AGFG1: variants seen among roughly 807,000 people sequenced by gnomAD.
AGFG1 encodes arf-GAP domain and FG repeat-containing protein 1.
Under a neutral mutation model 60.6 loss-of-function variants are expected in AGFG1, and 10 were observed. The ratio of observed to expected loss-of-function variants is 0.16; its 90% CI spans 0.10 to 0.28. The LOEUF is 0.28. Ranked by LOEUF, AGFG1 falls within the 10% of genes least tolerant of loss-of-function variation. The pLI is 1.00. For missense variants in AGFG1, 537 were observed against 676.5 expected (o/e 0.79, Z 2.29); for synonymous variants, 247 against 242.9 (o/e 1.02, Z -0.16).
chr2:227,522,683 G>A (rs1691860054), intron 3 of AGFG1, among the ~76,000 whole-genome samples: 1 of 152,154 alleles, frequency 6.6e-6, no homozygotes, highest in African/African-American at 2.4e-5. Context: ...TCTGGAACAG[G>A]TGCTCTTAAG....
intron 1 of AGFG1, among the ~76,000 whole-genome samples, chr2:227,485,606 A>G (rs1050657175): frequency 3.3e-5 from 5 of 152,024 alleles, no homozygotes; most frequent in East Asian, 1.9e-4. Flanking sequence ...CTGTAGATGC[A>G]TGACTTTTAT....
chr2:227,550,331 C>G (rs1575119088), intron 10 of AGFG1, among the ~76,000 whole-genome samples: 1 of 152,158 alleles, frequency 6.6e-6, no homozygotes, highest in Non-Finnish European at 1.5e-5. Flanking sequence ...TACTGCTTAC[C>G]TACATGGTCA....
chr2:227,508,643 G>A (rs757676649), intron 2 of AGFG1: 29 of 469,284 alleles, frequency 6.2e-5, no homozygotes, highest in African/African-American at 3.6e-4. Flanking sequence ...TTTAAGAGGC[G>A]TCACAAAGTA....
At chr2:227,538,386 C>A (rs1027062088) in intron 10 of AGFG1, among the ~76,000 whole-genome samples, 6 of 152,120 alleles carry the variant, frequency 3.9e-5, no homozygotes, top group African/African-American at 1.4e-4. Flanking sequence ...GAATTTTGTT[C>A]TTTTAATGAA....
At position 227,523,911 on chromosome 2, in the gene AGFG1, G is replaced by A. The variant is rs745804768; in HGVS notation, c.526G>A (p.Gly176Ser). 5.6e-6 allele frequency: 9 copies of A among 1,612,988 alleles called. No individual in the cohort carries two copies. The Admixed American group carries it at 1.5e-4, about 27-fold the overall frequency. The change falls in exon 4 of 13, where the codon GGC (glycine) becomes AGC (serine). Residue 176 changes from glycine (G) to serine (S), a missense_variant. Physicochemically the swap from Gly to Ser is moderately conservative, Grantham distance 56. Coordinates refer to ENST00000310078, the MANE Select transcript of AGFG1 (RefSeq NM_004504.5). ...TGCACCAACACTGCACTTAAATAAG[G>A]GCACACCTAGTCAGGTGAGTAGTCT... Reference protein sequence around the residue: ...DSAPTLHLNKGTPSQSPVVGR... With the variant: ...DSAPTLHLNKSTPSQSPVVGR...
rs150926349 is a variant in AGFG1, at chr2:227,551,984, G to A, written c.1404G>A (p.Met468Ile). Residue 468 changes from methionine (M) to isoleucine (I), a missense_variant, in exon 11 of 13, where the codon ATG becomes ATA. Transcript: ENST00000310078. Reference sequence around the variant, plus strand: ...CGGCAACCTTTGGCACTGCATCCATGAGCATGCCCACAGGATTCGGCACTC... The same window carrying A: ...CGGCAACCTTTGGCACTGCATCCATAAGCATGCCCACAGGATTCGGCACTC... ...ATAATFGTASMSMPTGFGTPA... is the reference protein window; with the variant it reads ...ATAATFGTASISMPTGFGTPA... 13 of 1,613,996 alleles carry A rather than the reference G, an allele frequency of 8.1e-6. No individual in the cohort carries two copies. Among genetic ancestry groups the A allele is most frequent in the Non-Finnish European group, 1.1e-5 (13 of 1,180,012 alleles).
In AGFG1 at chr2:227,549,783, A is replaced by G. The variant is rs549279413; in HGVS notation, c.1379-2176A>G. Among the ~76,000 whole-genome samples, 3 of 152,272 alleles carry G rather than the reference A, an allele frequency of 2.0e-5. No individual in the cohort carries two copies. The East Asian group carries it at 5.8e-4, about 29-fold the overall frequency. ...AATGACTGTAAAAAAGTTGATGCCT[A>G]TTTGTTTAAAAAATTGATTTCATCA... On this transcript the variant is annotated intron_variant, in intron 10 of 12. Transcript: ENST00000310078.
At position 227,555,476 on chromosome 2, in the gene AGFG1, T is replaced by A. The variant is rs531406986; in HGVS notation, c.*981T>A. 2.9e-3 allele frequency: 443 copies of A among 152,618 alleles called. 6 individuals are homozygous for A. The highest frequency in any genetic ancestry group is 3.9e-3 in the Admixed American group (60 of 15,274). The allele number at this position is 152,618 out of a possible 1,614,324, so 9.5% of individuals were successfully genotyped here. A position where few individuals can be genotyped will look rare whatever the true frequency, so the allele number is the denominator to read the frequency against. Reference sequence around the variant, plus strand: ...GCCTATTTTAACTATTGATTTTTTTTAAAAAAAATTGTCTTTGAATGTATT... The same window carrying A: ...GCCTATTTTAACTATTGATTTTTTTAAAAAAAAATTGTCTTTGAATGTATT... On this transcript the variant is annotated 3_prime_UTR_variant, in exon 13 of 13. Coordinates refer to ENST00000310078, the MANE Select transcript of AGFG1 (RefSeq NM_004504.5).
chr2:227,473,199 T>C (rs1346039967), intron 1 of AGFG1, among the ~76,000 whole-genome samples: 4 of 152,100 alleles, frequency 2.6e-5, no homozygotes, highest in Non-Finnish European at 5.9e-5. Flanking sequence ...AGTAGCAGGA[T>C]GAAAGCATCT....
At chr2:227,473,341 A>G (rs1199832040) in intron 1 of AGFG1, among the ~76,000 whole-genome samples, 4 of 152,104 alleles carry the variant, frequency 2.6e-5, no homozygotes, top group African/African-American at 9.7e-5. Flanking sequence ...GTTGGGGGAA[A>G]GTTTTAATGG....
chr2:227,481,863 CT>C (rs769166509), intron 1 of AGFG1, among the ~76,000 whole-genome samples: 5,112 of 117,540 alleles, frequency 0.043, 59 homozygotes, highest in Middle Eastern at 0.083. Flanking sequence ...TTGTCCACTA[CT>C]TTTTTTTTTT....
intron 7 of AGFG1, 25 bp downstream of exon 7, chr2:227,533,783 T>TA (rs1173482629): frequency 6.3e-7 from 1 of 1,594,884 alleles, no homozygotes; most frequent in Non-Finnish European, 8.6e-7. Context: ...GCAAAACAAA[T>TA]ACAAATTTGT....
chr2:227,479,881 A>T (rs1285819838), intron 1 of AGFG1, among the ~76,000 whole-genome samples: 1 of 152,236 alleles, frequency 6.6e-6, no homozygotes, highest in Non-Finnish European at 1.5e-5. Flanking sequence ...TTCATGAGCT[A>T]TTCAGTGGGG....
chr2:227,491,010 C>A (rs1196630304), intron 1 of AGFG1, among the ~76,000 whole-genome samples: 1 of 152,126 alleles, frequency 6.6e-6, no homozygotes, highest in Non-Finnish European at 1.5e-5. Flanking sequence ...TAAATTCTTA[C>A]TTGAATTGAT....
chr2:227,480,127 A>G (rs1690411475), intron 1 of AGFG1, among the ~76,000 whole-genome samples: 1 of 152,240 alleles, frequency 6.6e-6, no homozygotes, highest in Admixed American at 6.5e-5. Context: ...GAAGTTTGAA[A>G]CTATGTATTA....
Position 227,472,496 on chromosome 2 carries a change from C to T in AGFG1, c.75C>T (p.His25=). 6.3e-7 allele frequency: 1 copy of T among 1,581,276 alleles called. No homozygotes were observed. Among genetic ancestry groups the T allele is most frequent in the South Asian group, 1.1e-5 (1 of 88,920 alleles). The change falls in exon 1 of 13, where the codon CAC becomes CAT. Residue 25 remains histidine, a synonymous_variant. Coordinates refer to ENST00000310078, the MANE Select transcript of AGFG1 (RefSeq NM_004504.5). ...TGCGGGACATGACCGGCCTCCCGCA[C>T]AACCGAAAGTGCTTCGACTGCGACC... The part of the protein sequence containing the change: ...KMLRDMTGLP[H]NRKCFDCDQR...
At chr2:227,474,432 C>G (rs1401455206) in intron 1 of AGFG1, among the ~76,000 whole-genome samples, 1 of 152,162 alleles carries the variant, frequency 6.6e-6, no homozygotes, top group Non-Finnish European at 1.5e-5. Context: ...TTTCAAATTT[C>G]TTCCTAGATA....
At chr2:227,492,511 C>G (rs1690849729) in intron 2 of AGFG1, among the ~76,000 whole-genome samples, 1 of 151,912 alleles carries the variant, frequency 6.6e-6, no homozygotes, top group South Asian at 2.1e-4. Context: ...TTTTAATCTT[C>G]TCCTTGGACC....
At chr2:227,489,121 G>A (rs954000927) in intron 1 of AGFG1, among the ~76,000 whole-genome samples, 1 of 151,138 alleles carries the variant, frequency 6.6e-6, no homozygotes, top group Non-Finnish European at 1.5e-5. Flanking sequence ...GGCCACTTTT[G>A]GAAATTTGAA....
Sources: allele counts gnomAD v4.1 joint callset (sites outside exome capture counted in the v4.1 genomes callset), GRCh38; gene constraint gnomAD v4.1.1; transcripts MANE v1.5; gene names NCBI Gene and HGNC (gene_info 2026-07-23, HGNC 2026-07-21).